Variants in FBXO32 observed in about 807,000 individuals in gnomAD.
FBXO32 encodes F-box only protein 32.
In FBXO32, 15 loss-of-function variants were observed where a neutral mutation model predicts 48.3. The observed-to-expected ratio is 0.31, with a 90% CI of 0.21 to 0.48. FBXO32 has a LOEUF of 0.48. Ranked by LOEUF, FBXO32 falls within the 20% of genes least tolerant of loss-of-function variation. The pLI is 0.99. For synonymous variants in FBXO32, 154 were observed against 165.9 expected, an observed-to-expected ratio of 0.93 and a Z score of 0.55; for missense variants, 309 against 432.7, an observed-to-expected ratio of 0.71 and a Z score of 2.54.
At chr8:123,539,185 T>A (rs998237990) in intron 1 of FBXO32, among the ~76,000 whole-genome samples, 2 of 152,154 alleles carry the variant, frequency 1.3e-5, no homozygotes, top group African/African-American at 4.8e-5. Flanking sequence ...CTGAACTCAA[T>A]CATCTGTTCT....
chr8:123,538,667 A>G (rs1045534124), intron 1 of FBXO32, among the ~76,000 whole-genome samples: 1 of 152,204 alleles, frequency 6.6e-6, no homozygotes, highest in Non-Finnish European at 1.5e-5. Context: ...GCAAACAAAC[A>G]GCCAGCTGCT....
chr8:123,537,573 C>A (rs6980508), intron 1 of FBXO32, among the ~76,000 whole-genome samples: 22,653 of 151,950 alleles, frequency 0.15, 1,900 homozygotes, highest in South Asian at 0.23. Context: ...TGTGACGTGC[C>A]CCCAGAGGTT....
At chr8:123,528,086 G>T (rs536794201) in intron 4 of FBXO32, among the ~76,000 whole-genome samples, 7 of 152,312 alleles carry the variant, frequency 4.6e-5, no homozygotes, top group African/African-American at 1.4e-4. Flanking sequence ...GGATCACCAG[G>T]CAGATATTTT....
intron 4 of FBXO32, among the ~76,000 whole-genome samples, chr8:123,520,010 G>A (rs1816918300): frequency 6.6e-6 from 1 of 152,132 alleles, no homozygotes; most frequent in South Asian, 2.1e-4. Context: ...TTGGTCCTGA[G>A]CTCCTGACCT....
rs113336357 is a variant in FBXO32, at chr8:123,540,826, G to A, written c.116+73C>T. 3.1e-6 allele frequency: 4 copies of A among 1,294,130 alleles called. No individual in the cohort carries two copies. The highest frequency in any genetic ancestry group is 1.5e-5 in the African/African-American group (1 of 67,018). 80.2% of individuals were successfully genotyped at this position (1,294,130 alleles called of 1,614,324 possible). A position where few individuals can be genotyped will look rare whatever the true frequency, so the allele number is the denominator to read the frequency against. On this transcript the variant is annotated intron_variant, in intron 1 of 8. Transcript: ENST00000517956. This position sits in a 1 kb window ranked among gnomAD's most constrained non-coding sequence, Gnocchi z 6.4. Reference sequence around the variant, plus strand: ...CTCCAGCCCTGCCTGCCCCTCATTCGCCGTCCCTGCGCCCCCCAGACCAGC... The same window carrying A: ...CTCCAGCCCTGCCTGCCCCTCATTCACCGTCCCTGCGCCCCCCAGACCAGC...
chr8:123,537,297 A>G (rs555232139), intron 1 of FBXO32, among the ~76,000 whole-genome samples: 2 of 152,218 alleles, frequency 1.3e-5, no homozygotes, highest in South Asian at 2.1e-4. Context: ...ACTAAATTCA[A>G]TAATAGCCAG....
intron 4 of FBXO32, among the ~76,000 whole-genome samples, chr8:123,523,184 G>A (rs951472335): frequency 6.6e-6 from 1 of 152,152 alleles, no homozygotes; most frequent in African/African-American, 2.4e-5. Context: ...TCCCTCCTTG[G>A]ATGAGAAAAG....
At chr8:123,532,104 G>A in intron 3 of FBXO32, 114 bp from the exon 4 acceptor site, 2 of 1,500,122 alleles carry the variant, frequency 1.3e-6, no homozygotes, top group South Asian at 1.3e-5. Context: ...CTTGATGCCT[G>A]TCTTAGGTGA....
At chr8:123,524,091 G>A (rs900483928) in intron 4 of FBXO32, among the ~76,000 whole-genome samples, 3 of 152,210 alleles carry the variant, frequency 2.0e-5, no homozygotes, top group Non-Finnish European at 2.9e-5. Context: ...ACTATTAGGA[G>A]TCTATGCTCT....
intron 4 of FBXO32, among the ~76,000 whole-genome samples, chr8:123,528,839 G>C (rs1817142853): frequency 6.6e-6 from 1 of 151,886 alleles, no homozygotes; most frequent in Non-Finnish European, 1.5e-5. Context: ...TGTTTTTTTT[G>C]TTTTTGTTTT....
chr8:123,532,467 A>G (rs1817229867), intron 3 of FBXO32, among the ~76,000 whole-genome samples: 2 of 152,096 alleles, frequency 1.3e-5, no homozygotes, highest in African/African-American at 4.8e-5. Flanking sequence ...AGTGTTTATA[A>G]GGTTTTGGGA....
chr8:123,516,841 C>T (rs1256444696), intron 4 of FBXO32, among the ~76,000 whole-genome samples: 5 of 152,034 alleles, frequency 3.3e-5, no homozygotes, highest in African/African-American at 1.2e-4. Context: ...AAGTCAGGAG[C>T]TCACCGAGTG....
rs1221013653 is a variant in FBXO32 at position 123,498,508 on chromosome 8, C to T, written c.*4865G>A. Reference sequence around the variant, plus strand: ...CAGACAAAGTCATGAATATCATGGCCCCTTGCTCCTGGCTGCCTCATGGAA... The same window carrying T: ...CAGACAAAGTCATGAATATCATGGCTCCTTGCTCCTGGCTGCCTCATGGAA... On this transcript the variant is annotated 3_prime_UTR_variant, in exon 9 of 9. Transcript: ENST00000517956. The T allele has an allele frequency of 3.3e-5, 5 of 152,152 alleles. No homozygotes were observed. The highest frequency in any genetic ancestry group is 7.3e-5 in the Non-Finnish European group (5 of 68,030). The allele number at this position is 152,152 out of a possible 1,614,324, so 9.4% of individuals were successfully genotyped here.
At chr8:123,539,496 TG>T (rs1817371626) in intron 1 of FBXO32, among the ~76,000 whole-genome samples, 1 of 152,214 alleles carries the variant, frequency 6.6e-6, no homozygotes, top group Non-Finnish European at 1.5e-5. Flanking sequence ...TTCCTTATGG[TG>T]GTCCCTAAAC....
intron 3 of FBXO32, 47 bp from the exon 4 acceptor site, chr8:123,532,037 G>A (rs369108561): frequency 1.9e-6 from 3 of 1,610,032 alleles, no homozygotes; most frequent in Non-Finnish European, 2.5e-6. Context: ...CCATGCAGAG[G>A]TCACCCAAGT....
chr8:123,505,547 C>A (rs1300799121), intron 7 of FBXO32, among the ~76,000 whole-genome samples: 2 of 151,930 alleles, frequency 1.3e-5, no homozygotes, highest in African/African-American at 4.8e-5. Flanking sequence ...ACCAGCCTGG[C>A]CAACGTGGTG....
intron 6 of FBXO32, among the ~76,000 whole-genome samples, chr8:123,511,504 G>A (rs1586990935): frequency 6.7e-6 from 1 of 150,246 alleles, no homozygotes; most frequent in South Asian, 2.1e-4. Flanking sequence ...TCCTTGAGAT[G>A]GAGTCTCAGT....
chr8:123,538,634 G>C (rs1220775738), intron 1 of FBXO32, among the ~76,000 whole-genome samples: 2 of 152,064 alleles, frequency 1.3e-5, no homozygotes, highest in African/African-American at 4.8e-5. Flanking sequence ...ATTGTTTACA[G>C]TTGCTGGAAA....
chr8:123,510,437 C>A (rs144062750), intron 6 of FBXO32, among the ~76,000 whole-genome samples: 3 of 152,102 alleles, frequency 2.0e-5, no homozygotes, highest in East Asian at 3.9e-4. Context: ...CATGGTGAAA[C>A]CCTGTCTCTA....
Sources: allele counts gnomAD v4.1 joint callset (sites outside exome capture counted in the v4.1 genomes callset), GRCh38; gene constraint gnomAD v4.1.1; non-coding constraint Gnocchi (gnomAD v3.1); transcripts MANE v1.5; gene names NCBI Gene and HGNC (gene_info 2026-07-23, HGNC 2026-07-21).